ESRRG: variants seen among roughly 807,000 people sequenced by gnomAD.
ESRRG encodes the protein estrogen-related receptor gamma.
ESRRG carries 13 observed loss-of-function variants against 44.0 expected under a neutral mutation model. That is an observed-to-expected ratio of 0.30 (90% CI 0.19 to 0.47). The LOEUF is 0.47. Among genes scored for constraint, ESRRG ranks in the 20% least tolerant of loss-of-function variants. ESRRG has a pLI of 1.00. For missense variants in ESRRG, 395 were observed against 580.6 expected, an observed-to-expected ratio of 0.68 and a Z score of 3.29; for synonymous variants, 215 against 214.6, an observed-to-expected ratio of 1.00 and a Z score of -0.02.
chr1:216,965,276 A>G (rs534324339), intron 1 of ESRRG, among the ~76,000 whole-genome samples: 2 of 152,148 alleles, frequency 1.3e-5, no homozygotes, highest in East Asian at 1.9e-4. Context: ...TTCAGACTTC[A>G]GTATAAGCTG....
At chr1:217,113,487 G>A (rs564056567) in intron 1 of ESRRG, among the ~76,000 whole-genome samples, 29 of 152,260 alleles carry the variant, frequency 1.9e-4, no homozygotes, top group African/African-American at 6.7e-4. Flanking sequence ...TCATTTTCAA[G>A]GAACTACTCC....
chr1:216,910,541 A>G (rs2060185289), intron 2 of ESRRG, among the ~76,000 whole-genome samples: 1 of 152,222 alleles, frequency 6.6e-6, no homozygotes, highest in Non-Finnish European at 1.5e-5. Flanking sequence ...TTACAAAAGC[A>G]ATTCACATTA....
intron 2 of ESRRG, among the ~76,000 whole-genome samples, chr1:216,730,305 T>TAAAAAAAAAAAAAAAAA (rs11445965): frequency 1.6e-5 from 2 of 121,440 alleles, no homozygotes; most frequent in Non-Finnish European, 3.4e-5. Flanking sequence ...CTTAGAAAGG[T>TAAAAAAAAAAAAAAAAA]AAAAAAAAAA....
In ESRRG at chr1:216,774,702, G is replaced by A. The variant is rs142522812; in HGVS notation, c.-13-97211C>T. The stretch of plus-strand genomic sequence containing the variant: ...CTAAATCCACACTCTGATTAAAAGC[G>A]TGTGAAAACTGTGACTGTGTACGAA... On this transcript the variant is annotated intron_variant, in intron 2 of 7. Coordinates refer to the ESRRG transcript ENST00000359162. Among the ~76,000 whole-genome samples, 859 of 151,984 alleles carry A rather than the reference G, an allele frequency of 5.7e-3. 7 individuals are homozygous for A. The highest frequency in any genetic ancestry group is 0.021 in the South Asian group (102 of 4,824).
chr1:216,702,589 C>A (rs1321699711), intron 1 of ESRRG, among the ~76,000 whole-genome samples: 2 of 137,946 alleles, frequency 1.4e-5, no homozygotes, highest in Non-Finnish European at 3.1e-5. Context: ...ATGGCAAAAC[C>A]CCATCTTTAC....
chr1:217,134,044 G>A (rs553214572), intron 1 of ESRRG, among the ~76,000 whole-genome samples: 5 of 152,232 alleles, frequency 3.3e-5, no homozygotes, highest in South Asian at 2.1e-4. Context: ...TTTGGAAAGC[G>A]GTTTTGGGAG....
In ESRRG at chr1:216,665,582, A is replaced by C. The variant is rs115257811; in HGVS notation, c.472+11494T>G. On this transcript the variant is annotated intron_variant, in intron 2 of 6. Coordinates refer to ENST00000408911, the MANE Select transcript of ESRRG (RefSeq NM_001438.4). ...GTTGTTTCATGAGTGCAGAGTTTAC[A>C]TCTGGCATGATGAAATACTAAAGAC... 5.7e-3 allele frequency among the ~76,000 whole-genome samples: 872 copies of C among 152,248 alleles called. 9 individuals carry two copies. Among genetic ancestry groups the C allele is most frequent in the African/African-American group, 0.02 (836 of 41,546 alleles).
intron 1 of ESRRG, among the ~76,000 whole-genome samples, chr1:216,941,804 T>C (rs943287539): frequency 6.6e-6 from 1 of 152,302 alleles, no homozygotes; most frequent in African/African-American, 2.4e-5. Flanking sequence ...AGTAACAATA[T>C]GATTGAGAAG....
intron 2 of ESRRG, among the ~76,000 whole-genome samples, chr1:216,737,995 CTTTTTTTTT>C (rs144453643): frequency 8.4e-6 from 1 of 119,640 alleles, no homozygotes; most frequent in Non-Finnish European, 1.7e-5. Flanking sequence ...TGAGACATCA[CTTTTTTTTT>C]TTTTTTTTTT....
chr1:216,790,233 C>A (rs978788968), intron 2 of ESRRG, among the ~76,000 whole-genome samples: 1 of 152,108 alleles, frequency 6.6e-6, no homozygotes, highest in African/African-American at 2.4e-5. Flanking sequence ...TTACTCCACA[C>A]TATTTTGGAG....
At chr1:216,598,250 G>A (rs1049807019) in intron 3 of ESRRG, among the ~76,000 whole-genome samples, 7 of 152,270 alleles carry the variant, frequency 4.6e-5, no homozygotes, top group African/African-American at 1.7e-4. Flanking sequence ...TTGAATCTAT[G>A]GTGCAATTCA....
intron 2 of ESRRG, among the ~76,000 whole-genome samples, chr1:216,757,324 A>C (rs2092508055): frequency 6.6e-6 from 1 of 152,036 alleles, no homozygotes; most frequent in Non-Finnish European, 1.5e-5. Context: ...TCTACTTAGA[A>C]TGTCTTTCAT....
intron 2 of ESRRG, among the ~76,000 whole-genome samples, chr1:216,652,549 A>T (rs1258949321): frequency 3.3e-5 from 5 of 152,176 alleles, no homozygotes; most frequent in Admixed American, 3.3e-4. Context: ...TAGCATTCTA[A>T]TTCAGGGCAT....
At chr1:216,576,961 A>G (rs2061792470) in intron 3 of ESRRG, among the ~76,000 whole-genome samples, 1 of 152,054 alleles carries the variant, frequency 6.6e-6, no homozygotes, top group African/African-American at 2.4e-5. Context: ...TTAAACAGCT[A>G]TCTATAAACT....
chr1:216,748,682 C>T (rs1173081230), intron 2 of ESRRG, among the ~76,000 whole-genome samples: 1 of 152,124 alleles, frequency 6.6e-6, no homozygotes, highest in African/African-American at 2.4e-5. Context: ...TAAGTCATCC[C>T]TGTGTTTATA....
chr1:216,608,963 C>T (rs2150276151), intron 3 of ESRRG, among the ~76,000 whole-genome samples: 1 of 152,318 alleles, frequency 6.6e-6, no homozygotes, highest in African/African-American at 2.4e-5. Context: ...CTTTGTAGCA[C>T]AGTGGTCTCC....
chr1:216,507,287 T>A, intron 6 of ESRRG, 104 bp from the exon 7 acceptor site: 1 of 758,594 alleles, frequency 1.3e-6, no homozygotes, highest in Non-Finnish European at 2.0e-6. Flanking sequence ...TTTGAACTTC[T>A]CTGAGCTTGA....
intron 1 of ESRRG, among the ~76,000 whole-genome samples, chr1:217,119,270 T>C (rs761556557): frequency 4.6e-5 from 7 of 152,172 alleles, no homozygotes; most frequent in Non-Finnish European, 7.3e-5. Flanking sequence ...ATTAGCTTTG[T>C]TTCACCACAG....
At chr1:216,837,965 G>T (rs11117691) in intron 2 of ESRRG, among the ~76,000 whole-genome samples, 5,094 of 152,204 alleles carry the variant, frequency 0.033, 97 homozygotes, top group Middle Eastern at 0.058. Context: ...CCAAAATATG[G>T]ATATAAATGA....
Sources: gnomAD v4.1 joint callset for allele counts (sites outside exome capture counted in the v4.1 genomes callset) on GRCh38, gnomAD v4.1.1 for gene constraint, MANE v1.5 for transcripts, NCBI Gene and HGNC (gene_info 2026-07-23, HGNC 2026-07-21) for gene names.